Variants in ZNF644 observed in about 807,000 individuals in gnomAD.
ZNF644 encodes zinc finger motif enhancer binding protein 2.
A neutral mutation model predicts 108.0 loss-of-function variants in ZNF644; 20 were observed. The observed-to-expected ratio is 0.19, with a 90% CI of 0.13 to 0.27. The LOEUF is 0.27. Ranked by LOEUF, ZNF644 falls within the 10% of genes least tolerant of loss-of-function variation. The pLI is 1.00. For synonymous variants in ZNF644, 542 were observed against 539.1 expected (o/e 1.01, Z -0.08); for missense variants, 1,338 against 1,548.9 (o/e 0.86, Z 2.29).
At chr1:91,014,827 T>C (rs1348157857) in intron 1 of ZNF644, among the ~76,000 whole-genome samples, 3 of 152,100 alleles carry the variant, frequency 2.0e-5, no homozygotes, top group Non-Finnish European at 4.4e-5. Flanking sequence ...AACAACTAGG[T>C]AAAAGGATAT....
At chr1:90,931,666 C>T (rs1650744285) in intron 4 of ZNF644, among the ~76,000 whole-genome samples, 1 of 152,160 alleles carries the variant, frequency 6.6e-6, no homozygotes, top group South Asian at 2.1e-4. Flanking sequence ...GACAATTTAA[C>T]TCTCCCAAGT....
At chr1:90,926,085 T>C (rs1650001156) in intron 4 of ZNF644, among the ~76,000 whole-genome samples, 1 of 152,082 alleles carries the variant, frequency 6.6e-6, no homozygotes, top group Non-Finnish European at 1.5e-5. Flanking sequence ...TATCAACCAA[T>C]TGCCTAACTC....
chr1:90,918,803 T>C (rs1172981895), intron 4 of ZNF644, among the ~76,000 whole-genome samples: 1 of 152,142 alleles, frequency 6.6e-6, no homozygotes, highest in African/African-American at 2.4e-5. Context: ...TTGTATTGCA[T>C]ATACAATAAT....
intron 2 of ZNF644, among the ~76,000 whole-genome samples, chr1:90,958,065 C>T (rs1159953343): frequency 2.7e-5 from 4 of 150,712 alleles, no homozygotes; most frequent in Admixed American, 2.6e-4. Context: ...TAAGTGTAAC[C>T]TCATGACCAG....
intron 1 of ZNF644, among the ~76,000 whole-genome samples, chr1:90,989,510 T>A (rs541710838): frequency 3.3e-5 from 5 of 152,256 alleles, no homozygotes; most frequent in African/African-American, 1.2e-4. Flanking sequence ...GCCACTGCAC[T>A]CCAGCCTGGG....
chr1:90,949,547 T>C (rs1332397574), intron 2 of ZNF644, among the ~76,000 whole-genome samples: 1 of 152,124 alleles, frequency 6.6e-6, no homozygotes, highest in African/African-American at 2.4e-5. Context: ...TACTTGGCTC[T>C]CTCTGTGGGT....
chr1:90,940,845 C>T lies in ZNF644; in HGVS notation c.509G>A (p.Ser170Asn). The change falls in exon 3 of 6, where the codon AGT becomes AAT. Residue 170 changes from serine to asparagine, a missense_variant. Ser to Asn is a conservative substitution (Grantham distance 46). This residue lies in a region of ZNF644 where 464 missense variants were observed against 457.9 expected (regional missense o/e 1.01). Coordinates refer to ENST00000337393, the MANE Select transcript of ZNF644 (RefSeq NM_201269.3). Reference sequence around the variant, plus strand: ...TAACAAAAATAAAACTTGGTGTTGACTTGCTTTCTGTGGTGTAGACAGCTG... The same window carrying T: ...TAACAAAAATAAAACTTGGTGTTGATTTGCTTTCTGTGGTGTAGACAGCTG... ...DLQLSTPQKA[S>N]QHQVLFLLSD... The T allele has an allele frequency of 6.2e-7, 1 of 1,614,032 alleles. No homozygotes were observed. Among genetic ancestry groups the T allele is most frequent in the Non-Finnish European group, 8.5e-7 (1 of 1,179,990 alleles).
chr1:90,924,077 G>C (rs1436597369), intron 4 of ZNF644, among the ~76,000 whole-genome samples: 1 of 152,072 alleles, frequency 6.6e-6, no homozygotes. Flanking sequence ...GGAAAAGCTG[G>C]ACATAAATAT....
In ZNF644 at chr1:90,992,261, A is replaced by G. The variant is rs557350527; in HGVS notation, c.-17-9891T>C. ...CAAATCTGTTCAAATTGTTTACTTT[A>G]AGTGTGATTTTTTAATATGTCAATT... On this transcript the variant is annotated intron_variant, in intron 1 of 5. Coordinates refer to ENST00000337393, the MANE Select transcript of ZNF644 (RefSeq NM_201269.3). 2.6e-5 allele frequency among the ~76,000 whole-genome samples: 4 copies of G among 152,222 alleles called. No individual in the cohort carries two copies. The East Asian group carries it at 7.7e-4, about 29-fold the overall frequency.
At chr1:91,017,513 C>T (rs1294948585) in intron 1 of ZNF644, among the ~76,000 whole-genome samples, 1 of 152,246 alleles carries the variant, frequency 6.6e-6, no homozygotes, top group African/African-American at 2.4e-5. Context: ...CTCTTGAAAT[C>T]CTCTGCTTTT....
In ZNF644 at chr1:91,011,675, T is replaced by C. The variant is rs138194306; in HGVS notation, c.-18+10315A>G. On this transcript the variant is annotated intron_variant, in intron 1 of 5. Transcript: ENST00000337393. ...AAGTCTCCTACATGGGCTTTAACCATTCACACTTGTAAGCAACTGTCCATA... is the reference window on the plus strand; with the variant it reads ...AAGTCTCCTACATGGGCTTTAACCACTCACACTTGTAAGCAACTGTCCATA... 6.2e-4 allele frequency among the ~76,000 whole-genome samples: 94 copies of C among 152,320 alleles called. No individual in the cohort carries two copies. In the East Asian group the frequency reaches 0.017, roughly 28 times the overall value.
intron 1 of ZNF644, among the ~76,000 whole-genome samples, chr1:90,983,033 T>C (rs1656717991): frequency 6.6e-6 from 1 of 152,060 alleles, no homozygotes; most frequent in Non-Finnish European, 1.5e-5. Flanking sequence ...ATTACTAATT[T>C]TACCATATTT....
intron 2 of ZNF644, among the ~76,000 whole-genome samples, chr1:90,948,899 T>C (rs1330651236): frequency 2.0e-5 from 3 of 152,216 alleles, no homozygotes; most frequent in Non-Finnish European, 4.4e-5. Context: ...TTATTTAATA[T>C]GTAGATTTCT....
At chr1:90,979,159 T>C (rs1656293873) in intron 2 of ZNF644, among the ~76,000 whole-genome samples, 1 of 152,044 alleles carries the variant, frequency 6.6e-6, no homozygotes, top group South Asian at 2.1e-4. Context: ...ATTTAAGAAG[T>C]GTGTTATTTC....
intron 1 of ZNF644, among the ~76,000 whole-genome samples, chr1:91,003,223 C>T (rs540414115): frequency 2.6e-5 from 4 of 152,236 alleles, no homozygotes; most frequent in African/African-American, 7.2e-5. Context: ...TATAAAGACA[C>T]ATGCACACGT....
intron 2 of ZNF644, among the ~76,000 whole-genome samples, chr1:90,976,491 T>C (rs1358565124): frequency 3.9e-5 from 6 of 152,240 alleles, no homozygotes; most frequent in African/African-American, 9.6e-5. Flanking sequence ...AGTATAGCCA[T>C]GGCAAAATTC....
At chr1:91,020,933 A>C (rs936941047) in intron 1 of ZNF644, 2 of 152,232 alleles carry the variant, frequency 1.3e-5, no homozygotes, top group African/African-American at 4.8e-5. Context: ...TGATCACACA[A>C]AATCTGAAGT....
At chr1:90,973,388 A>T (rs1655692824) in intron 2 of ZNF644, among the ~76,000 whole-genome samples, 1 of 152,212 alleles carries the variant, frequency 6.6e-6, no homozygotes, top group Non-Finnish European at 1.5e-5. Context: ...GCAGTATAAC[A>T]TAAGCCTTTA....
At chr1:90,967,896 A>C (rs1394989413) in intron 2 of ZNF644, among the ~76,000 whole-genome samples, 1 of 99,062 alleles carries the variant, frequency 1.0e-5, no homozygotes, top group African/African-American at 3.5e-5. Flanking sequence ...AAAAAATACA[A>C]AAAAAAAAAA....
Sources: allele counts gnomAD v4.1 joint callset (sites outside exome capture counted in the v4.1 genomes callset), GRCh38; gene constraint gnomAD v4.1.1; regional missense constraint gnomAD v4.1.1; transcripts MANE v1.5; gene names NCBI Gene and HGNC (gene_info 2026-07-23, HGNC 2026-07-21).